SERPINI1: variants seen among roughly 807,000 people sequenced by gnomAD.
SERPINI1 encodes the protein neuroserpin.
In SERPINI1, 19 loss-of-function variants were observed where a neutral mutation model predicts 41.1. That is an observed-to-expected ratio of 0.46 (90% confidence interval 0.32 to 0.68). The LOEUF is 0.68. SERPINI1 is among the 30% of genes least tolerant of loss of function. SERPINI1 has a pLI of 0.03. For missense variants in SERPINI1, 460 were observed against 479.2 expected, an observed-to-expected ratio of 0.96 and a Z score of 0.37; for synonymous variants, 138 against 156.6, an observed-to-expected ratio of 0.88 and a Z score of 0.89.
chr3:167,761,450 G>T (rs1160978247), intron 1 of SERPINI1, among the ~76,000 whole-genome samples: 1 of 152,164 alleles, frequency 6.6e-6, no homozygotes, highest in Non-Finnish European at 1.5e-5. Context: ...GATTGATGTG[G>T]TGGGGTGGAG....
intron 1 of SERPINI1, among the ~76,000 whole-genome samples, chr3:167,780,068 GA>G: frequency 6.6e-6 from 1 of 152,060 alleles, no homozygotes; most frequent in South Asian, 2.1e-4. Context: ...ATTTGAAAAG[GA>G]AAAAATATAT....
At chr3:167,798,363 G>A (rs1240849948) in intron 5 of SERPINI1, among the ~76,000 whole-genome samples, 2 of 152,084 alleles carry the variant, frequency 1.3e-5, no homozygotes, top group Non-Finnish European at 2.9e-5. Context: ...AGATAGGGAG[G>A]CTAAATAGCA....
chr3:167,789,316 G>T lies in SERPINI1; in HGVS notation c.188G>T (p.Gly63Val), dbSNP rs1285351113. 1 of 1,613,972 alleles carries T rather than the reference G, an allele frequency of 6.2e-7. No homozygotes were observed. The highest frequency in any genetic ancestry group is 1.3e-5 in the African/African-American group (1 of 74,912). Residue 63 changes from glycine to valine, a missense_variant, in exon 2 of 9, where the codon GGG becomes GTG. Physicochemically the swap from Gly to Val is moderately radical, Grantham distance 109 (BLOSUM62 -3). Coordinates refer to ENST00000446050, the MANE Select transcript of SERPINI1 (RefSeq NM_001122752.2). ...IALAMGMMEL[G>V]AQGSTQKEIR... Reference sequence around the variant, plus strand: ...CTTGCAATGGGAATGATGGAACTTGGGGCCCAAGGATCTACCCAGAAAGAA... The same window carrying T: ...CTTGCAATGGGAATGATGGAACTTGTGGCCCAAGGATCTACCCAGAAAGAA...
intron 4 of SERPINI1, among the ~76,000 whole-genome samples, chr3:167,793,176 A>G (rs1238697699): frequency 2.0e-5 from 3 of 152,284 alleles, no homozygotes; most frequent in Admixed American, 2.0e-4. Flanking sequence ...TTATACAAAG[A>G]CTTTTAAAAA....
At chr3:167,820,816 C>G (rs959886030) in intron 6 of SERPINI1, among the ~76,000 whole-genome samples, 1 of 152,196 alleles carries the variant, frequency 6.6e-6, no homozygotes, top group African/African-American at 2.4e-5. Context: ...TGACCTGAGG[C>G]CTGGGGTCCA....
chr3:167,783,282 A>G (rs1361461608), intron 1 of SERPINI1, among the ~76,000 whole-genome samples: 1 of 152,148 alleles, frequency 6.6e-6, no homozygotes, highest in Non-Finnish European at 1.5e-5. Flanking sequence ...GTGTTTGACA[A>G]TGAATTGAAC....
chr3:167,789,359 A>G lies in SERPINI1; in HGVS notation c.231A>G (p.Gly77=). Reference sequence around the variant, plus strand: ...AGAAAGAAATCCGCCACTCAATGGGATATGACAGCCTAAAAAATGGTAAGA... The same window carrying G: ...AGAAAGAAATCCGCCACTCAATGGGGTATGACAGCCTAAAAAATGGTAAGA... The part of the protein sequence containing the change: ...STQKEIRHSM[G]YDSLKNGEEF... The change falls in exon 2 of 9, where the codon GGA becomes GGG. Residue 77 remains glycine, a synonymous_variant. Transcript: ENST00000446050. The G allele has an allele frequency of 6.2e-7, 1 of 1,614,138 alleles. No homozygotes were observed. The highest frequency in any genetic ancestry group is 8.5e-7 in the Non-Finnish European group (1 of 1,179,982).
intron 1 of SERPINI1, among the ~76,000 whole-genome samples, chr3:167,737,425 T>A (rs574057481): frequency 1.3e-5 from 2 of 152,256 alleles, no homozygotes; most frequent in East Asian, 3.9e-4. Context: ...GCTACAGCAC[T>A]GGAGAATCTA....
chr3:167,824,659 C>A (rs1181324175), intron 8 of SERPINI1, 97 bp downstream of exon 8: 2 of 704,028 alleles, frequency 2.8e-6, no homozygotes, highest in Admixed American at 2.5e-5. Context: ...CATATAATTT[C>A]TTTTCACAAT....
intron 6 of SERPINI1, among the ~76,000 whole-genome samples, chr3:167,815,007 A>T (rs1344028400): frequency 3.3e-5 from 5 of 152,218 alleles, no homozygotes; most frequent in African/African-American, 1.2e-4. Context: ...AACCAACAAG[A>T]CAAGCTCATC....
chr3:167,746,468 G>A (rs1725866755), intron 1 of SERPINI1, among the ~76,000 whole-genome samples: 1 of 152,032 alleles, frequency 6.6e-6, no homozygotes, highest in East Asian at 1.9e-4. Flanking sequence ...GAGTTGAAAA[G>A]ATAAGCCATA....
At chr3:167,816,145 G>A (rs567896500) in intron 6 of SERPINI1, among the ~76,000 whole-genome samples, 2 of 152,230 alleles carry the variant, frequency 1.3e-5, no homozygotes, top group South Asian at 4.1e-4. Flanking sequence ...TTGAGCTCAG[G>A]TGATCCTCCC....
chr3:167,793,596 A>ATATATTTT, intron 4 of SERPINI1, among the ~76,000 whole-genome samples: 9 of 140,610 alleles, frequency 6.4e-5, no homozygotes, highest in African/African-American at 1.9e-4. Flanking sequence ...ATATATATAT[A>ATATATTTT]TTTTTAATTA....
intron 1 of SERPINI1, among the ~76,000 whole-genome samples, chr3:167,744,697 TAAATATATATA>T (rs1559992874): frequency 8.1e-6 from 1 of 123,394 alleles, no homozygotes; most frequent in Non-Finnish European, 1.6e-5. Context: ...TAAACATATA[TAAATATATATA>T]AAATATATAT....
intron 1 of SERPINI1, among the ~76,000 whole-genome samples, chr3:167,758,677 A>G (rs1365272112): frequency 2.0e-5 from 3 of 152,210 alleles, no homozygotes; most frequent in Non-Finnish European, 2.9e-5. Flanking sequence ...ACTCAATGCA[A>G]TATGGGATCC....
intron 5 of SERPINI1, among the ~76,000 whole-genome samples, chr3:167,796,140 A>G (rs1479038794): frequency 6.6e-6 from 1 of 152,050 alleles, no homozygotes; most frequent in Non-Finnish European, 1.5e-5. Context: ...CATTTTATGT[A>G]AATATCAATG....
intron 1 of SERPINI1, among the ~76,000 whole-genome samples, chr3:167,743,373 A>G (rs1482633288): frequency 6.6e-6 from 1 of 152,210 alleles, no homozygotes; most frequent in Non-Finnish European, 1.5e-5. Flanking sequence ...GTGAATTATG[A>G]TTCCTTGAGG....
intron 1 of SERPINI1, among the ~76,000 whole-genome samples, chr3:167,762,955 G>C (rs1726433991): frequency 6.6e-6 from 1 of 152,118 alleles, no homozygotes; most frequent in Non-Finnish European, 1.5e-5. Flanking sequence ...GGGAAGGAAG[G>C]GGTCTGGACT....
In SERPINI1 at chr3:167,753,829, T is replaced by C. The variant is rs541134377; in HGVS notation, c.-19+18006T>C. On this transcript the variant is annotated intron_variant, in intron 1 of 8. Coordinates refer to ENST00000446050, the MANE Select transcript of SERPINI1 (RefSeq NM_001122752.2). ...ATCAGTGTTGTTAGGCTAAAGAATGTATATTAAAAAAGGAACTGTGAAATA... is the reference window on the plus strand; with the variant it reads ...ATCAGTGTTGTTAGGCTAAAGAATGCATATTAAAAAAGGAACTGTGAAATA... 2.0e-4 allele frequency among the ~76,000 whole-genome samples: 31 copies of C among 152,300 alleles called. No homozygotes were observed. In the South Asian group the frequency reaches 5.6e-3, roughly 27 times the overall value.
Sources: allele counts gnomAD v4.1 joint callset (sites outside exome capture counted in the v4.1 genomes callset), GRCh38; gene constraint gnomAD v4.1.1; transcripts MANE v1.5; gene names NCBI Gene and HGNC (gene_info 2026-07-23, HGNC 2026-07-21).